The following CDH8 variants were observed in gnomAD, a reference collection of about 807,000 sequenced individuals.
CDH8 encodes cadherin-8.
CDH8 carries 17 observed loss-of-function variants against 68.1 expected under a neutral mutation model. The ratio of observed to expected loss-of-function variants is 0.25; its 90% CI spans 0.17 to 0.37. The LOEUF (loss-of-function observed/expected upper bound fraction) is 0.37. CDH8 is among the 10% of genes least tolerant of loss of function. The probability of loss-of-function intolerance (pLI) is 1.00; values close to 1 mark genes in which losing one functional copy is unlikely to be tolerated. For missense variants in CDH8, 763 were observed against 999.3 expected, an observed-to-expected ratio of 0.76 and a Z score of 3.19; for synonymous variants, 372 against 365.1, an observed-to-expected ratio of 1.02 and a Z score of -0.21.
intron 2 of CDH8, among the ~76,000 whole-genome samples, chr16:61,989,635 G>A (rs79735646): frequency 1.8e-4 from 28 of 152,302 alleles, no homozygotes; most frequent in African/African-American, 5.3e-4. Context: ...TGTTCAGACT[G>A]CCATCCTTAG....
intron 8 of CDH8, among the ~76,000 whole-genome samples, chr16:61,764,877 G>A (rs1431282084): frequency 6.6e-6 from 1 of 152,034 alleles, no homozygotes; most frequent in Non-Finnish European, 1.5e-5. Context: ...TTGTAAACCT[G>A]GAGTGGTTTG....
intron 2 of CDH8, among the ~76,000 whole-genome samples, chr16:61,936,007 C>A (rs1964621654): frequency 6.6e-6 from 1 of 152,120 alleles, no homozygotes; most frequent in Non-Finnish European, 1.5e-5. Flanking sequence ...CAGAGACCCA[C>A]CACATACTAG....
chr16:61,813,607 T>C (rs1388759947), intron 7 of CDH8, among the ~76,000 whole-genome samples: 2 of 152,068 alleles, frequency 1.3e-5, no homozygotes, highest in South Asian at 2.1e-4. Flanking sequence ...TCCAGTTCCG[T>C]GTCCTAGCCG....
At chr16:61,931,461 C>A (rs1324073551) in intron 2 of CDH8, among the ~76,000 whole-genome samples, 1 of 152,112 alleles carries the variant, frequency 6.6e-6, no homozygotes, top group Non-Finnish European at 1.5e-5. Context: ...CAGGCATGAG[C>A]CATTGCACTC....
intron 8 of CDH8, among the ~76,000 whole-genome samples, chr16:61,737,905 A>G (rs1296375933): frequency 6.6e-6 from 1 of 152,174 alleles, no homozygotes; most frequent in Non-Finnish European, 1.5e-5. Flanking sequence ...TTTTGAGGAT[A>G]AGATTGTGAA....
intron 4 of CDH8, among the ~76,000 whole-genome samples, chr16:61,848,984 A>G (rs972717452): frequency 1.3e-5 from 2 of 152,090 alleles, no homozygotes; most frequent in Admixed American, 1.3e-4. Flanking sequence ...CTTTAATAAG[A>G]TATGTTAAAA....
At chr16:61,773,746 A>G (rs934727886) in intron 8 of CDH8, among the ~76,000 whole-genome samples, 3 of 152,098 alleles carry the variant, frequency 2.0e-5, no homozygotes, top group Non-Finnish European at 4.4e-5. Flanking sequence ...TCCAGGGTGG[A>G]TAGAATTGGC....
intron 2 of CDH8, among the ~76,000 whole-genome samples, chr16:61,935,100 G>A (rs549807790): frequency 6.6e-6 from 1 of 152,250 alleles, no homozygotes; most frequent in Admixed American, 6.5e-5. Context: ...ACATGGATTG[G>A]ACATTAGATG....
At chr16:61,698,300 A>G (rs957184577) in intron 10 of CDH8, among the ~76,000 whole-genome samples, 1 of 152,228 alleles carries the variant, frequency 6.6e-6, no homozygotes, top group African/African-American at 2.4e-5. Context: ...AATAGCTTAT[A>G]AAAGATGAGC....
intron 2 of CDH8, among the ~76,000 whole-genome samples, chr16:61,991,672 G>A (rs962363835): frequency 2.6e-5 from 4 of 152,174 alleles, no homozygotes; most frequent in Non-Finnish European, 4.4e-5. Flanking sequence ...TGCCCACTTC[G>A]TTAAGTCAGA....
intron 2 of CDH8, among the ~76,000 whole-genome samples, chr16:61,993,633 A>G (rs1006054316): frequency 6.6e-6 from 1 of 152,238 alleles, no homozygotes; most frequent in Non-Finnish European, 1.5e-5. Flanking sequence ...AAGCAGGCAA[A>G]GCAAAAAGTC....
intron 2 of CDH8, among the ~76,000 whole-genome samples, chr16:61,930,706 G>A (rs1423713566): frequency 2.0e-5 from 3 of 151,988 alleles, no homozygotes; most frequent in East Asian, 1.9e-4. Context: ...TTTCAGTCCT[G>A]GTAAAATAAT....
intron 8 of CDH8, among the ~76,000 whole-genome samples, chr16:61,780,587 T>G (rs1315200031): frequency 6.6e-6 from 1 of 152,268 alleles, no homozygotes; most frequent in African/African-American, 2.4e-5. Flanking sequence ...TATTTCTTTA[T>G]CATTATTAGA....
chr16:61,880,197 T>C (rs1467339000), intron 3 of CDH8, among the ~76,000 whole-genome samples: 1 of 152,146 alleles, frequency 6.6e-6, no homozygotes, highest in Non-Finnish European at 1.5e-5. Context: ...GTGCTGGTAT[T>C]ATAGGTGTAA....
intron 3 of CDH8, among the ~76,000 whole-genome samples, chr16:61,874,150 A>AC (rs1277224678): frequency 6.6e-6 from 1 of 152,020 alleles, no homozygotes; most frequent in Non-Finnish European, 1.5e-5. Context: ...CATCTCATGT[A>AC]CCCCCAAAAT....
intron 7 of CDH8, among the ~76,000 whole-genome samples, chr16:61,790,283 A>G (rs990946763): frequency 2.0e-5 from 3 of 152,052 alleles, no homozygotes; most frequent in Non-Finnish European, 2.9e-5. Context: ...TCAGGGTAGT[A>G]TCAAGACAAA....
chr16:61,993,811 CAAAT>C (rs1460552677), intron 2 of CDH8, among the ~76,000 whole-genome samples: 1 of 151,906 alleles, frequency 6.6e-6, no homozygotes, highest in African/African-American at 2.4e-5. Context: ...TCTGTGTACA[CAAAT>C]AAAAAAAATT....
At chr16:61,682,478 T>C (rs10500450) in intron 10 of CDH8, among the ~76,000 whole-genome samples, 17,584 of 151,914 alleles carry the variant, frequency 0.12, 1,028 homozygotes, top group Non-Finnish European at 0.12. Flanking sequence ...GAATGATGCC[T>C]AAATACTTGT....
At chr16:62,032,356 G>T (rs1902347649) in intron 1 of CDH8, among the ~76,000 whole-genome samples, 2 of 152,126 alleles carry the variant, frequency 1.3e-5, no homozygotes. Context: ...GCGTGCGTGT[G>T]TGTGTGTACA....
Sources: gnomAD v4.1 joint callset for allele counts (sites outside exome capture counted in the v4.1 genomes callset) on GRCh38, gnomAD v4.1.1 for gene constraint, MANE v1.5 for transcripts, NCBI Gene and HGNC (gene_info 2026-07-23, HGNC 2026-07-21) for gene names.